The following ASGR2 variants were observed in gnomAD, a reference collection of about 807,000 sequenced individuals.
The protein encoded by ASGR2 is asialoglycoprotein receptor 2.
Under a neutral mutation model 32.3 loss-of-function variants are expected in ASGR2, and 34 were observed. That is an observed-to-expected ratio of 1.05 (90% confidence interval 0.80 to 1.40). The LOEUF (loss-of-function observed/expected upper bound fraction) is 1.40, where lower values mean the gene tolerates loss of function less well. ASGR2 is among the 40% of genes most tolerant of loss of function. The pLI is 0.00. For missense variants in ASGR2, 385 were observed against 386.4 expected (o/e 1.00, Z 0.03); for synonymous variants, 143 against 150.0 (o/e 0.95, Z 0.34).
Position 7,113,475 on chromosome 17 carries a change from A to G in ASGR2, c.124+642T>C, listed in dbSNP as rs113742105. Among the ~76,000 whole-genome samples the G allele has an allele frequency of 0.042, 5,917 of 141,272 alleles. 134 individuals carry two copies. Among genetic ancestry groups the G allele is most frequent in the Non-Finnish European group, 0.061 (3,901 of 63,778 alleles). The allele number at this position is 141,272 out of a possible 152,430, so 92.7% of individuals were successfully genotyped here. On this transcript the variant is annotated intron_variant, in intron 2 of 8. Coordinates refer to ENST00000691900, the MANE Select transcript of ASGR2 (RefSeq NM_001201352.2). This position sits in a 1 kb window ranked among gnomAD's most constrained non-coding sequence, Gnocchi z 5.1. ...CACACAAACATACATACACTCACAC[A>G]ATACACACACACAACACACACACAA...
chr17:7,114,804 G>A lies in ASGR2; in HGVS notation c.-260C>T. On this transcript the variant is annotated 5_prime_UTR_variant, in exon 1 of 9. Transcript: ENST00000691900. The surrounding 1 kb of genome is among the most constrained non-coding windows in gnomAD (Gnocchi z 4.5). ...CCAAGCTCTAACCTGGCACCTCCTG[G>A]CCTGGGACTTTGGACAGTAAACAGA... is the stretch of plus-strand genomic sequence containing the variant. 1 of 989,914 alleles carries A rather than the reference G, an allele frequency of 1.0e-6. No homozygotes were observed. The highest frequency in any genetic ancestry group is 1.2e-6 in the Non-Finnish European group (1 of 832,824). The allele number at this position is 989,914 out of a possible 1,614,324, so 61.3% of individuals were successfully genotyped here.
At chr17:7,115,121 A>G (rs1400413114), upstream of ASGR2, 2 of 639,904 alleles carry the variant, frequency 3.1e-6, no homozygotes, top group Non-Finnish European at 3.9e-6. The surrounding 1 kb of genome is among the most constrained non-coding windows in gnomAD (Gnocchi z 4.2). Context: ...CTCTTGCCCA[A>G]TCCGGCATCT....
rs1232769823 is a variant in ASGR2, at chr17:7,113,147, G to C, written c.124+970C>G. ...ACACTCCTGTCTCTAAAAAAAAAAT[G>C]TCCAAGATACTTAGGTCCTTCAGTC... is the stretch of plus-strand genomic sequence containing the variant. On this transcript the variant is annotated intron_variant, in intron 2 of 8. Coordinates refer to ENST00000691900, the MANE Select transcript of ASGR2 (RefSeq NM_001201352.2). This position sits in a 1 kb window ranked among gnomAD's most constrained non-coding sequence, Gnocchi z 5.1. 1.3e-5 allele frequency among the ~76,000 whole-genome samples: 2 copies of C among 151,888 alleles called. No homozygotes were observed. Among genetic ancestry groups the C allele is most frequent in the Non-Finnish European group, 2.9e-5 (2 of 67,976 alleles).
Position 7,114,054 on chromosome 17 carries a change from AG to A in ASGR2, c.124+62del. ...AGAGTGGGTGCGGCAGAGACCTCAA[AG>A]GGACAGAGCAATCATGAGCTGAGAC... is the stretch of plus-strand genomic sequence containing the variant. On this transcript the variant is annotated intron_variant, in intron 2 of 8. Transcript: ENST00000691900. The surrounding 1 kb of genome is among the most constrained non-coding windows in gnomAD (Gnocchi z 4.5). The A allele has an allele frequency of 6.2e-7, 1 of 1,603,232 alleles. No homozygotes were observed. The highest frequency in any genetic ancestry group is 1.3e-5 in the African/African-American group (1 of 74,954).
chr17:7,112,191 G>C (rs1325715833), intron 2 of ASGR2, among the ~76,000 whole-genome samples: 2 of 150,362 alleles, frequency 1.3e-5, no homozygotes, highest in African/African-American at 4.9e-5. Context: ...GAATGAGTGA[G>C]CTGTGGGACC....
intron 7 of ASGR2, among the ~76,000 whole-genome samples, chr17:7,105,402 A>AAT (rs1913523073): frequency 5.3e-5 from 8 of 152,306 alleles, no homozygotes; most frequent in African/African-American, 1.9e-4. Context: ...TTTTTGGATT[A>AAT]CAGTGGCTCA....
Position 7,101,492 on chromosome 17 carries a change from T to C in ASGR2, c.*83A>G, listed in dbSNP as rs1880904559. ...TCTTCCCCATACCCCTGTCTCAGTG[T>C]TTCTTCCTTTCCTCAAAATCCTCAA... is the stretch of plus-strand genomic sequence containing the variant. On this transcript the variant is annotated 3_prime_UTR_variant, in exon 9 of 9. Transcript: ENST00000691900. 1 of 1,540,666 alleles carries C rather than the reference T, an allele frequency of 6.5e-7. No individual in the cohort carries two copies.
chr17:7,109,541 G>A (rs1051683114), intron 2 of ASGR2, among the ~76,000 whole-genome samples: 1 of 151,690 alleles, frequency 6.6e-6, no homozygotes, highest in Non-Finnish European at 1.5e-5. Context: ...CCTCCCCAGC[G>A]CCCTTTGCCC....
Position 7,107,735 on chromosome 17 carries a change from ACGCACACGTGCACACTACACACAC to A in ASGR2, c.409+77_409+100del, listed in dbSNP as rs759201059. ...TGCTTGCAGGCACACACACGCACGC[ACGCACACGTGCACACTACACACAC>A]CGCACACGTACACACTACACACACC... On this transcript the variant is annotated intron_variant, in intron 5 of 8. Coordinates refer to ENST00000691900, the MANE Select transcript of ASGR2 (RefSeq NM_001201352.2). This position sits in a 1 kb window ranked among gnomAD's most constrained non-coding sequence, Gnocchi z 5.0. 5.8e-5 allele frequency: 46 copies of A among 786,328 alleles called. No individual in the cohort carries two copies. Among genetic ancestry groups the A allele is most frequent in the African/African-American group, 4.3e-4 (26 of 60,800 alleles). The allele number at this position is 786,328 out of a possible 1,614,324, so 48.7% of individuals were successfully genotyped here. A position where few individuals can be genotyped will look rare whatever the true frequency, so the allele number is the denominator to read the frequency against.
chr17:7,103,189 G>A (rs570604160), intron 7 of ASGR2, among the ~76,000 whole-genome samples: 12 of 152,300 alleles, frequency 7.9e-5, no homozygotes, highest in Admixed American at 1.3e-4. Context: ...AAGGACAATT[G>A]CCTAATTCTA....
upstream of ASGR2, chr17:7,114,880 CTA>C: frequency 1.0e-6 from 1 of 986,110 alleles, no homozygotes; most frequent in African/African-American, 1.7e-5. The surrounding 1 kb of genome is among the most constrained non-coding windows in gnomAD (Gnocchi z 4.5). Context: ...GGGGACGGGG[CTA>C]TCTCTGTTCT....
At chr17:7,110,268 G>A (rs144029898) in intron 2 of ASGR2, among the ~76,000 whole-genome samples, 21 of 151,904 alleles carry the variant, frequency 1.4e-4, no homozygotes, top group Non-Finnish European at 2.7e-4. Context: ...GCCCACTCCC[G>A]CTCTGAGCAC....
In ASGR2 at chr17:7,108,702, C is replaced by T. The variant is rs1011412495; in HGVS notation, c.241+70G>A. The stretch of plus-strand genomic sequence containing the variant: ...TCCCTTCCCCTCCCATCGCCCCGAT[C>T]GCTGCCCGCCACTGCCCATGTCTCT... On this transcript the variant is annotated intron_variant, in intron 3 of 8. Transcript: ENST00000691900. This position sits in a 1 kb window ranked among gnomAD's most constrained non-coding sequence, Gnocchi z 4.9. 2.5e-6 allele frequency: 4 copies of T among 1,611,374 alleles called. No homozygotes were observed. In the African/African-American group the frequency reaches 4.0e-5, roughly 16 times the overall value.
chr17:7,113,551 A>ACACAC lies in ASGR2; in HGVS notation c.124+565_124+566insGTGTG, dbSNP rs200218789. Among the ~76,000 whole-genome samples, 2 of 150,332 alleles carry ACACAC rather than the reference A, an allele frequency of 1.3e-5. No homozygotes were observed. The highest frequency in any genetic ancestry group is 4.9e-5 in the African/African-American group (2 of 40,676). On this transcript the variant is annotated intron_variant, in intron 2 of 8. Coordinates refer to ENST00000691900, the MANE Select transcript of ASGR2 (RefSeq NM_001201352.2). This position sits in a 1 kb window ranked among gnomAD's most constrained non-coding sequence, Gnocchi z 5.1. ...ATACACACACTCATACACAACATAC[A>ACACAC]TACACACAACATACACACAACATAC...
chr17:7,108,738 C>T lies in ASGR2; in HGVS notation c.241+34G>A, dbSNP rs200588293. On this transcript the variant is annotated intron_variant, in intron 3 of 8. Transcript: ENST00000691900. The surrounding 1 kb of genome is among the most constrained non-coding windows in gnomAD (Gnocchi z 4.9). The stretch of plus-strand genomic sequence containing the variant: ...ACTGCCCATGTCTCTTTCCCTACCC[C>T]TTGCCCATCCCTGCTGGCCCCCGTG... The T allele has an allele frequency of 1.7e-5, 28 of 1,614,030 alleles. No individual in the cohort carries two copies. The highest frequency in any genetic ancestry group is 2.1e-5 in the Non-Finnish European group (25 of 1,179,904).
Position 7,114,376 on chromosome 17 carries a change from CG to C in ASGR2, c.-70-67del. ...GATGGAACGCAGGGTCGGAGGGGTT[CG>C]GGGTGGTGGCCTGGGTAGGATCTGA... On this transcript the variant is annotated intron_variant, in intron 1 of 8. Transcript: ENST00000691900. The surrounding 1 kb of genome is among the most constrained non-coding windows in gnomAD (Gnocchi z 4.5). 1.8e-5 allele frequency: 7 copies of C among 386,460 alleles called. No individual in the cohort carries two copies. Among genetic ancestry groups the C allele is most frequent in the Non-Finnish European group, 3.5e-5 (7 of 202,190 alleles). The allele number at this position is 386,460 out of a possible 1,614,324, so 23.9% of individuals were successfully genotyped here.
In ASGR2 at chr17:7,114,153, T is replaced by A; in HGVS notation, c.88A>T (p.Arg30Trp). ...GGATTTCCTCTCCTGGGATTCAGCC[T>A]GCGAGTGCCTGGCCCCTCACCTTGA... ...FHQGEGPGTR[R>W]LNPRRGNPFL... The change falls in exon 2 of 9, where the codon AGG (arginine) becomes TGG (tryptophan). Residue 30 changes from arginine (R) to tryptophan (W), a missense_variant. Coordinates refer to ENST00000691900, the MANE Select transcript of ASGR2 (RefSeq NM_001201352.2). This position sits in a 1 kb window ranked among gnomAD's most constrained non-coding sequence, Gnocchi z 4.5. 5.0e-6 allele frequency: 8 copies of A among 1,614,220 alleles called. No homozygotes were observed. Among genetic ancestry groups the A allele is most frequent in the Non-Finnish European group, 6.8e-6 (8 of 1,180,032 alleles).
chr17:7,102,556 G>A (rs755604595), intron 7 of ASGR2, among the ~76,000 whole-genome samples: 5 of 152,102 alleles, frequency 3.3e-5, no homozygotes, highest in Admixed American at 6.5e-5. Flanking sequence ...CTGGGCCGGT[G>A]TCCCCCTTCA....
Position 7,114,518 on chromosome 17 carries a change from C to G in ASGR2, c.-71+97G>C. On this transcript the variant is annotated intron_variant, in intron 1 of 8. Coordinates refer to ENST00000691900, the MANE Select transcript of ASGR2 (RefSeq NM_001201352.2). This position sits in a 1 kb window ranked among gnomAD's most constrained non-coding sequence, Gnocchi z 4.5. ...CCCCTCCCCACGCTCATGGACCCGACCACCCACAGCTTCCCATGGGGTCCT... is the reference window on the plus strand; with the variant it reads ...CCCCTCCCCACGCTCATGGACCCGAGCACCCACAGCTTCCCATGGGGTCCT... 7 of 1,238,720 alleles carry G rather than the reference C, an allele frequency of 5.7e-6. No individual in the cohort carries two copies. The highest frequency in any genetic ancestry group is 7.1e-6 in the Non-Finnish European group (7 of 982,884). The allele number at this position is 1,238,720 out of a possible 1,614,324, so 76.7% of individuals were successfully genotyped here.
Sources: allele counts gnomAD v4.1 joint callset (sites outside exome capture counted in the v4.1 genomes callset), GRCh38; gene constraint gnomAD v4.1.1; non-coding constraint Gnocchi (gnomAD v3.1); transcripts MANE v1.5; gene names NCBI Gene and HGNC (gene_info 2026-07-23, HGNC 2026-07-21).